USP31: variants seen among roughly 807,000 people sequenced by gnomAD.
The protein encoded by USP31 is ubiquitin specific peptidase 31.
A neutral mutation model predicts 119.4 loss-of-function variants in USP31; 44 were observed. The ratio of observed to expected loss-of-function variants is 0.37; its 90% CI spans 0.29 to 0.47. The LOEUF (loss-of-function observed/expected upper bound fraction) is 0.47, where lower values mean the gene tolerates loss of function less well. Among genes scored for constraint, USP31 ranks in the 20% least tolerant of loss-of-function variants. USP31 has a pLI of 0.99. For missense variants in USP31, 1,643 were observed against 1,730.2 expected (o/e 0.95, Z 0.89); for synonymous variants, 749 against 705.6 (o/e 1.06, Z -0.97).
chr16:23,133,547 C>A (rs1392174610), intron 1 of USP31, among the ~76,000 whole-genome samples: 1 of 152,200 alleles, frequency 6.6e-6, no homozygotes, highest in Non-Finnish European at 1.5e-5. Flanking sequence ...TGGGGATTAT[C>A]TGATCCTTGG....
chr16:23,084,734 G>T, intron 11 of USP31, 126 bp downstream of exon 11: 1 of 1,265,202 alleles, frequency 7.9e-7, no homozygotes, highest in Non-Finnish European at 1.1e-6. Flanking sequence ...CATTACATGT[G>T]CAGACTTACA....
chr16:23,121,569 GAGA>G (rs1902671007), intron 1 of USP31, among the ~76,000 whole-genome samples: 1 of 152,204 alleles, frequency 6.6e-6, no homozygotes, highest in African/African-American at 2.4e-5. Flanking sequence ...AGCAAACAAA[GAGA>G]AGAGTGTGAA....
At chr16:23,070,318 G>C in intron 15 of USP31, among the ~76,000 whole-genome samples, 1 of 152,118 alleles carries the variant, frequency 6.6e-6, no homozygotes, top group Middle Eastern at 3.2e-3. Flanking sequence ...ATGTAAGCTG[G>C]CCTGTCATTG....
intron 1 of USP31, among the ~76,000 whole-genome samples, chr16:23,112,781 C>A (rs1902363442): frequency 6.6e-6 from 1 of 151,906 alleles, no homozygotes; most frequent in African/African-American, 2.4e-5. Flanking sequence ...GCGATCCCAG[C>A]ACTTTGGGAG....
At chr16:23,090,373 G>A (rs1276068774) in intron 7 of USP31, among the ~76,000 whole-genome samples, 1 of 151,814 alleles carries the variant, frequency 6.6e-6, no homozygotes, top group East Asian at 1.9e-4. Flanking sequence ...GCAACACAGC[G>A]AGACTCCATA....
intron 1 of USP31, chr16:23,115,742 A>C (rs1434210955): frequency 8.2e-6 from 8 of 978,552 alleles, no homozygotes; most frequent in Non-Finnish European, 9.7e-6. Context: ...CTAAATAATA[A>C]AGTAAAAGGC....
intron 6 of USP31, among the ~76,000 whole-genome samples, chr16:23,094,229 G>A (rs1664560575): frequency 6.6e-6 from 1 of 152,154 alleles, no homozygotes; most frequent in African/African-American, 2.4e-5. Context: ...CATGCCCACG[G>A]AGTCTTGCTC....
chr16:23,112,529 C>T (rs930143731), intron 1 of USP31, among the ~76,000 whole-genome samples: 3 of 151,812 alleles, frequency 2.0e-5, no homozygotes, highest in Admixed American at 6.6e-5. Flanking sequence ...GAGCTGAGAA[C>T]GCGCCATTGC....
chr16:23,112,843 A>T (rs1009617071), intron 1 of USP31, among the ~76,000 whole-genome samples: 8 of 152,034 alleles, frequency 5.3e-5, no homozygotes, highest in African/African-American at 1.9e-4. Flanking sequence ...AGCCTGACCA[A>T]CATGGAGAAA....
At chr16:23,079,583 A>C in intron 13 of USP31, 1 of 164,914 alleles carries the variant, frequency 6.1e-6, no homozygotes. Flanking sequence ...AAAAAAAAGT[A>C]GTTCACAATC....
chr16:23,089,254 G>GT (rs1193638941), intron 7 of USP31, among the ~76,000 whole-genome samples: 2 of 152,116 alleles, frequency 1.3e-5, no homozygotes, highest in Admixed American at 1.3e-4. Context: ...CTTGGCTGCG[G>GT]TCTCTTCAGG....
chr16:23,097,435 A>C (rs1033599661), intron 6 of USP31, among the ~76,000 whole-genome samples: 16 of 152,216 alleles, frequency 1.1e-4, no homozygotes, highest in Non-Finnish European at 2.1e-4. Context: ...AAACTATTCC[A>C]ATCAACAGAA....
At chr16:23,108,225 T>C (rs923196155) in intron 1 of USP31, 42 bp from the exon 2 acceptor site, 9 of 1,556,850 alleles carry the variant, frequency 5.8e-6, no homozygotes, top group Non-Finnish European at 7.8e-6. Context: ...TGTGAGTTCC[T>C]GGCTTTAAAG....
At chr16:23,112,682 T>C (rs1283964346) in intron 1 of USP31, among the ~76,000 whole-genome samples, 1 of 152,084 alleles carries the variant, frequency 6.6e-6, no homozygotes, top group Non-Finnish European at 1.5e-5. Context: ...CCAAAGGCAT[T>C]AGTATGTATA....
rs1426774181 is a variant in USP31, at chr16:23,084,050, CAGA to C, written c.1830+807_1830+809del. Among the ~76,000 whole-genome samples, 16 of 152,250 alleles carry C rather than the reference CAGA, an allele frequency of 1.1e-4. No homozygotes were observed. In the South Asian group the frequency reaches 2.5e-3, roughly 24 times the overall value. ...AAGCAATCACCTATTTGAAATTAAGCAGAAGAAGAACCCAACCACCAGAATAAA... is the reference window on the plus strand; with the variant it reads ...AAGCAATCACCTATTTGAAATTAAGCAGAAGAACCCAACCACCAGAATAAA... On this transcript the variant is annotated intron_variant, in intron 11 of 15. Transcript: ENST00000219689.
At position 23,149,230 on chromosome 16, in the gene USP31, G is replaced by T. The variant is rs1903644622; in HGVS notation, c.41C>A (p.Ala14Glu). 1.8e-6 allele frequency: 2 copies of T among 1,126,958 alleles called. No homozygotes were observed. The highest frequency in any genetic ancestry group is 5.1e-5 in the Admixed American group (1 of 19,442). The allele number at this position is 1,126,958 out of a possible 1,614,324, so 69.8% of individuals were successfully genotyped here. ...VTAPGSGPPA[A>E]ASGKEKRSFS... The stretch of plus-strand genomic sequence containing the variant: ...GGAGCGCTTCTCCTTCCCGCTCGCC[G>T]CCGCCGGCGGCCCGGACCCAGGCGC... The change falls in exon 1 of 16, where the codon GCG (alanine) becomes GAG (glutamate). Residue 14 changes from alanine to glutamate, a missense_variant. Coordinates refer to ENST00000219689, the MANE Select transcript of USP31 (RefSeq NM_020718.4).
Position 23,113,133 on chromosome 16 carries a change from G to A in USP31, c.634-4950C>T, listed in dbSNP as rs570588795. ...GTAGGTGTCACTATACTGACGGATC[G>A]AAAGAGGAAAGCAGATGACACCAAG... On this transcript the variant is annotated intron_variant, in intron 1 of 15. Transcript: ENST00000219689. Among the ~76,000 whole-genome samples the A allele has an allele frequency of 9.9e-5, 15 of 152,278 alleles. No homozygotes were observed. The South Asian group carries it at 2.3e-3, about 23-fold the overall frequency.
At chr16:23,104,343 A>C (rs938287871) in intron 5 of USP31, among the ~76,000 whole-genome samples, 1 of 152,250 alleles carries the variant, frequency 6.6e-6, no homozygotes, top group African/African-American at 2.4e-5. Flanking sequence ...AACTGAGGTC[A>C]ACAGCAAACT....
In USP31 at chr16:23,067,574, T is replaced by TA. The variant is rs1900125418; in HGVS notation, c.*471dup. 1 of 154,686 alleles carries TA rather than the reference T, an allele frequency of 6.5e-6. No individual in the cohort carries two copies. Among genetic ancestry groups the TA allele is most frequent in the African/African-American group, 2.4e-5 (1 of 41,474 alleles). 9.6% of individuals were successfully genotyped at this position (154,686 alleles called of 1,614,324 possible). On this transcript the variant is annotated 3_prime_UTR_variant, in exon 16 of 16. Transcript: ENST00000219689. Reference sequence around the variant, plus strand: ...TTTTTCCCTCGATTTGTTTCGTTGTTAGAGTCACAGTTTTTAGAGCTCCTG... The same window carrying TA: ...TTTTTCCCTCGATTTGTTTCGTTGTTAAGAGTCACAGTTTTTAGAGCTCCTG...
Sources: gnomAD v4.1 joint callset for allele counts (sites outside exome capture counted in the v4.1 genomes callset) on GRCh38, gnomAD v4.1.1 for gene constraint, MANE v1.5 for transcripts, NCBI Gene and HGNC (gene_info 2026-07-23, HGNC 2026-07-21) for gene names.